The following RBFOX3 variants were observed in gnomAD, a reference collection of about 807,000 sequenced individuals.
The protein encoded by RBFOX3 is RNA binding protein fox-1 homolog 3.
RBFOX3 carries 17 observed loss-of-function variants against 48.7 expected under a neutral mutation model. That is an observed-to-expected ratio of 0.35 (90% CI 0.24 to 0.52). RBFOX3 has a LOEUF of 0.52. RBFOX3 is among the 20% of genes least tolerant of loss of function. The probability of loss-of-function intolerance (pLI) is 0.94; values close to 1 mark genes in which losing one functional copy is unlikely to be tolerated. For synonymous variants in RBFOX3, 212 were observed against 209.5 expected (o/e 1.01, Z -0.10); for missense variants, 382 against 497.5 (o/e 0.77, Z 2.21).
chr17:79,203,966 G>A (rs1227476682), intron 4 of RBFOX3, among the ~76,000 whole-genome samples: 1 of 152,154 alleles, frequency 6.6e-6, no homozygotes, highest in African/African-American at 2.4e-5. Context: ...TTGTGTGGAT[G>A]AGCCTGAGAA....
chr17:79,113,216 G>A (rs898654395), intron 5 of RBFOX3, among the ~76,000 whole-genome samples: 19 of 152,064 alleles, frequency 1.2e-4, no homozygotes, highest in African/African-American at 4.6e-4. Context: ...TGTGAGTGCC[G>A]GGCAGCCTCT....
intron 4 of RBFOX3, among the ~76,000 whole-genome samples, chr17:79,141,254 G>C (rs1247248834): frequency 6.6e-6 from 1 of 152,188 alleles, no homozygotes; most frequent in Non-Finnish European, 1.5e-5. Flanking sequence ...CCTAAGATTA[G>C]TGTGATTGGA....
At chr17:79,596,544 C>T (rs2093574179) in intron 1 of RBFOX3, among the ~76,000 whole-genome samples, 1 of 152,210 alleles carries the variant, frequency 6.6e-6, no homozygotes, top group Admixed American at 6.5e-5. Context: ...CCAGCCAGGC[C>T]ACAGAGCTAA....
intron 2 of RBFOX3, among the ~76,000 whole-genome samples, chr17:79,476,686 G>T (rs2077813495): frequency 6.6e-6 from 1 of 152,158 alleles, no homozygotes; most frequent in African/African-American, 2.4e-5. Flanking sequence ...TGACTGCCAA[G>T]TCACCAGAAC....
chr17:79,191,723 G>A (rs1353891717), intron 4 of RBFOX3, among the ~76,000 whole-genome samples: 7 of 152,324 alleles, frequency 4.6e-5, no homozygotes, highest in African/African-American at 7.2e-5. Flanking sequence ...GAGTGGGGAC[G>A]AGCATATCTG....
chr17:79,144,524 G>A (rs1166175168), intron 4 of RBFOX3, among the ~76,000 whole-genome samples: 3 of 152,248 alleles, frequency 2.0e-5, no homozygotes, highest in East Asian at 3.9e-4. Flanking sequence ...CATGCTCTGC[G>A]CCCCACTGCT....
intron 4 of RBFOX3, among the ~76,000 whole-genome samples, chr17:79,219,020 C>A (rs2059398758): frequency 6.6e-6 from 1 of 152,210 alleles, no homozygotes. Flanking sequence ...CTCTGCGGAC[C>A]CCCTGCTGGA....
intron 1 of RBFOX3, among the ~76,000 whole-genome samples, chr17:79,563,361 G>A (rs1016495754): frequency 1.3e-5 from 2 of 152,338 alleles, no homozygotes; most frequent in African/African-American, 4.8e-5. Flanking sequence ...GAAATGAAAC[G>A]CCTCGCTTCC....
the RBFOX3 span, among the ~76,000 whole-genome samples, chr17:79,638,675 C>T: frequency 1.3e-5 from 2 of 152,148 alleles, no homozygotes; most frequent in Non-Finnish European, 2.9e-5. Flanking sequence ...TTCATGAATA[C>T]GTTAATGCCC....
intron 2 of RBFOX3, among the ~76,000 whole-genome samples, chr17:79,316,974 C>T (rs551940033): frequency 4.0e-4 from 61 of 152,320 alleles, no homozygotes; most frequent in African/African-American, 1.4e-3. Context: ...GCACACTCAC[C>T]CGCAAATGTG....
chr17:79,227,406 A>G (rs2060433697), intron 4 of RBFOX3, among the ~76,000 whole-genome samples: 1 of 152,026 alleles, frequency 6.6e-6, no homozygotes, highest in South Asian at 2.1e-4. Flanking sequence ...GCCCACCCCT[A>G]AGAGGGGGTG....
intron 2 of RBFOX3, among the ~76,000 whole-genome samples, chr17:79,317,069 G>A (rs1210496880): frequency 2.6e-5 from 4 of 152,124 alleles, no homozygotes; most frequent in Admixed American, 1.3e-4. Context: ...CATGAAGACC[G>A]ACAAGGAGCT....
intron 2 of RBFOX3, among the ~76,000 whole-genome samples, chr17:79,393,930 G>A (rs1040967309): frequency 2.7e-5 from 3 of 110,370 alleles, no homozygotes; most frequent in South Asian, 2.9e-4. Context: ...CATCTGAGCC[G>A]GTCATCATAC....
intron 2 of RBFOX3, among the ~76,000 whole-genome samples, chr17:79,448,878 A>T (rs1476460072): frequency 6.6e-6 from 1 of 151,970 alleles, no homozygotes; most frequent in Non-Finnish European, 1.5e-5. Context: ...CAGACCCCTC[A>T]TGCAGGTTCC....
chr17:79,447,970 G>A (rs2072679850), intron 2 of RBFOX3, among the ~76,000 whole-genome samples: 2 of 152,176 alleles, frequency 1.3e-5, no homozygotes, highest in Admixed American at 1.3e-4. Context: ...TCGTTTGAAA[G>A]TGTGTAGCAC....
At chr17:79,604,726 T>C (rs2145428618) in intron 1 of RBFOX3, among the ~76,000 whole-genome samples, 1 of 152,376 alleles carries the variant, frequency 6.6e-6, no homozygotes, top group Non-Finnish European at 1.5e-5. Context: ...TTGTACTTGC[T>C]TTAAATCTTT....
intron 4 of RBFOX3, among the ~76,000 whole-genome samples, chr17:79,166,344 G>A (rs2048011499): frequency 6.6e-6 from 1 of 152,216 alleles, no homozygotes; most frequent in Admixed American, 6.5e-5. Context: ...CCCGCCAGGA[G>A]CTGTAGCCGC....
At chr17:79,260,720 C>A (rs974509097) in intron 3 of RBFOX3, among the ~76,000 whole-genome samples, 1 of 152,198 alleles carries the variant, frequency 6.6e-6, no homozygotes, top group Non-Finnish European at 1.5e-5. Context: ...GAATCCGACG[C>A]CCCTCCCCTG....
At chr17:79,614,581 G>A (rs1395928844), upstream of RBFOX3, among the ~76,000 whole-genome samples, 1 of 152,138 alleles carries the variant, frequency 6.6e-6, no homozygotes, top group African/African-American at 2.4e-5. Context: ...CCGACTTCGA[G>A]GAAACAGATA....
Sources: allele counts gnomAD v4.1 joint callset (sites outside exome capture counted in the v4.1 genomes callset), GRCh38; gene constraint gnomAD v4.1.1; transcripts MANE v1.5; gene names NCBI Gene and HGNC (gene_info 2026-07-23, HGNC 2026-07-21).